PLEKHA5: variants seen among roughly 807,000 people sequenced by gnomAD.
PLEKHA5 encodes pleckstrin homology domain-containing family A member 5.
In PLEKHA5, 55 loss-of-function variants were observed where a neutral mutation model predicts 181.9. The ratio of observed to expected loss-of-function variants is 0.30; its 90% CI spans 0.24 to 0.38. PLEKHA5 has a LOEUF of 0.38. PLEKHA5 is among the 10% of genes least tolerant of loss of function. PLEKHA5 has a pLI of 1.00. For synonymous variants in PLEKHA5, 535 were observed against 529.4 expected (o/e 1.01, Z -0.15); for missense variants, 1,432 against 1,549.5 (o/e 0.92, Z 1.27).
intron 3 of PLEKHA5, among the ~76,000 whole-genome samples, chr12:19,226,844 A>G (rs2059761154): frequency 6.6e-6 from 1 of 152,076 alleles, no homozygotes; most frequent in African/African-American, 2.4e-5. Context: ...TTTGTCTTTT[A>G]TATCTAATAT....
intron 15 of PLEKHA5, among the ~76,000 whole-genome samples, chr12:19,305,554 G>C (rs1354397929): frequency 1.7e-5 from 1 of 59,508 alleles, no homozygotes; most frequent in East Asian, 3.6e-4. Flanking sequence ...GCGAGACTGT[G>C]TCTCAAAAAA....
chr12:19,162,934 ACTAGT>A (rs1373246423), intron 3 of PLEKHA5, among the ~76,000 whole-genome samples: 7 of 152,134 alleles, frequency 4.6e-5, no homozygotes, highest in East Asian at 1.9e-4. Flanking sequence ...AGGACTCTAG[ACTAGT>A]CTAGTGTCTT....
At chr12:19,154,273 A>G (rs2041156849) in intron 3 of PLEKHA5, 1 of 152,150 alleles carries the variant, frequency 6.6e-6, no homozygotes, top group South Asian at 2.1e-4. Flanking sequence ...TTTTTAAAAT[A>G]GTATATAATG....
At chr12:19,341,276 C>CA (rs1200856371) in intron 21 of PLEKHA5, among the ~76,000 whole-genome samples, 1 of 149,388 alleles carries the variant, frequency 6.7e-6, no homozygotes, top group African/African-American at 2.5e-5. Context: ...GACTCAGCCT[C>CA]AAAAAAAATG....
At chr12:19,299,571 A>G (rs1416385136) in intron 15 of PLEKHA5, among the ~76,000 whole-genome samples, 1 of 152,226 alleles carries the variant, frequency 6.6e-6, no homozygotes. Flanking sequence ...AGTCTTGGAT[A>G]TTCCTCATCT....
At chr12:19,166,823 C>A (rs1318083775) in intron 3 of PLEKHA5, among the ~76,000 whole-genome samples, 1 of 152,098 alleles carries the variant, frequency 6.6e-6, no homozygotes, top group East Asian at 1.9e-4. Flanking sequence ...ATCATCTGAC[C>A]TTTGATTTGT....
intron 26 of PLEKHA5, among the ~76,000 whole-genome samples, chr12:19,354,470 TA>T (rs77223013): frequency 3.3e-4 from 44 of 132,892 alleles, no homozygotes; most frequent in Middle Eastern, 4.3e-3. Flanking sequence ...TAGTTATTCT[TA>T]AAAAAAAAAA....
chr12:19,376,370 A>G lies in PLEKHA5; in HGVS notation c.*851A>G, dbSNP rs1054319887. ...ATGTTCATATCTCATTTCTTTTTTT[A>G]TCATGTTAAATAAATGTTGATGTTC... On this transcript the variant is annotated 3_prime_UTR_variant, in exon 32 of 32. Transcript: ENST00000429027. 1 of 152,534 alleles carries G rather than the reference A, an allele frequency of 6.6e-6. No homozygotes were observed. Among genetic ancestry groups the G allele is most frequent in the Admixed American group, 6.5e-5 (1 of 15,268 alleles). The allele number at this position is 152,534 out of a possible 1,614,324, so 9.4% of individuals were successfully genotyped here. A position where few individuals can be genotyped will look rare whatever the true frequency, so the allele number is the denominator to read the frequency against.
At chr12:19,361,531 C>G in intron 28 of PLEKHA5, 51 bp from the exon 29 acceptor site, 1 of 937,708 alleles carries the variant, frequency 1.1e-6, no homozygotes. Context: ...ATATGCTAAT[C>G]TAATGTGATA....
intron 3 of PLEKHA5, among the ~76,000 whole-genome samples, chr12:19,229,514 G>C (rs1267747969): frequency 6.6e-6 from 1 of 151,938 alleles, no homozygotes; most frequent in Non-Finnish European, 1.5e-5. Context: ...TGTTCCTCCT[G>C]TCTAGAGTTG....
chr12:19,130,082 C>A lies in PLEKHA5; in HGVS notation c.121C>A (p.Pro41Thr). 6.3e-7 allele frequency: 1 copy of A among 1,591,262 alleles called. No homozygotes were observed. Among genetic ancestry groups the A allele is most frequent in the South Asian group, 1.1e-5 (1 of 87,352 alleles). Residue 41 changes from proline (P) to threonine (T), a missense_variant, in exon 2 of 32, where the codon CCC becomes ACC. Pro to Thr is a conservative substitution (Grantham distance 38). Transcript: ENST00000429027. This position sits in a 1 kb window ranked among gnomAD's most constrained non-coding sequence, Gnocchi z 4.5. ...GGCCAAGAGCACCACCTGGCTGCAC[C>A]CCGTCACCGGCGAGGCGGTGGTCAC... ...EEAKSTTWLH[P>T]VTGEAVVTGH...
chr12:19,195,672 CAAAAAAAAAAA>C (rs3056386), intron 3 of PLEKHA5, among the ~76,000 whole-genome samples: 1 of 81,606 alleles, frequency 1.2e-5, no homozygotes, highest in Admixed American at 1.4e-4. Flanking sequence ...GACCCTGTCT[CAAAAAAAAAAA>C]AAAAAAAAAA....
rs1157089206 is a variant in PLEKHA5 at position 19,376,226 on chromosome 12, A to T, written c.*707A>T. 2 of 152,516 alleles carry T rather than the reference A, an allele frequency of 1.3e-5. No individual in the cohort carries two copies. The highest frequency in any genetic ancestry group is 2.9e-5 in the Non-Finnish European group (2 of 68,012). 9.4% of individuals were successfully genotyped at this position (152,516 alleles called of 1,614,324 possible). A position where few individuals can be genotyped will look rare whatever the true frequency, so the allele number is the denominator to read the frequency against. ...ATTGGAATACATGTGTACAGCAATAAGCAGGTTTCCAAATCCGGTACTTAG... is the reference window on the plus strand; with the variant it reads ...ATTGGAATACATGTGTACAGCAATATGCAGGTTTCCAAATCCGGTACTTAG... On this transcript the variant is annotated 3_prime_UTR_variant, in exon 32 of 32. Coordinates refer to ENST00000429027, the MANE Select transcript of PLEKHA5 (RefSeq NM_001256470.2).
chr12:19,193,582 G>A (rs2051797254), intron 3 of PLEKHA5, among the ~76,000 whole-genome samples: 1 of 152,152 alleles, frequency 6.6e-6, no homozygotes, highest in African/African-American at 2.4e-5. Flanking sequence ...GGCCTTCAGT[G>A]TGCATCTATC....
chr12:19,168,626 A>G (rs78124006), intron 3 of PLEKHA5, among the ~76,000 whole-genome samples: 2,628 of 152,288 alleles, frequency 0.017, 93 homozygotes, highest in African/African-American at 0.06. Flanking sequence ...CCCCCCTCCC[A>G]TATATACACC....
At chr12:19,308,965 G>A (rs1029951827) in intron 15 of PLEKHA5, among the ~76,000 whole-genome samples, 1 of 150,266 alleles carries the variant, frequency 6.7e-6, no homozygotes, top group Non-Finnish European at 1.5e-5. Context: ...CAGATTCTGA[G>A]GCAGGAGAAT....
Position 19,136,996 on chromosome 12 carries a change from T to C in PLEKHA5, c.227+4546T>C, listed in dbSNP as rs150228011. On this transcript the variant is annotated intron_variant, in intron 3 of 31. Coordinates refer to ENST00000429027, the MANE Select transcript of PLEKHA5 (RefSeq NM_001256470.2). ...ATCTAACAAGTGCCATAAAAAACAT[T>C]AGAATATATTAACTATGTATTTGAT... is the stretch of plus-strand genomic sequence containing the variant. Among the ~76,000 whole-genome samples, 8 of 152,268 alleles carry C rather than the reference T, an allele frequency of 5.3e-5. No individual in the cohort carries two copies. In the East Asian group the frequency reaches 9.6e-4, roughly 18 times the overall value.
At position 19,166,334 on chromosome 12, in the gene PLEKHA5, G is replaced by A. The variant is rs193234207; in HGVS notation, c.227+33884G>A. Among the ~76,000 whole-genome samples, 245 of 152,228 alleles carry A rather than the reference G, an allele frequency of 1.6e-3. 5 individuals carry two copies. The highest frequency in any genetic ancestry group is 0.015 in the Admixed American group (237 of 15,300). On this transcript the variant is annotated intron_variant, in intron 3 of 31. Transcript: ENST00000429027. ...CATACTGTAGTTATTTAAACGTGTCGTGGTTCTAAATGTCTTGCATCTAAT... is the reference window on the plus strand; with the variant it reads ...CATACTGTAGTTATTTAAACGTGTCATGGTTCTAAATGTCTTGCATCTAAT...
At chr12:19,293,310 C>A (rs2078937276) in intron 15 of PLEKHA5, among the ~76,000 whole-genome samples, 1 of 152,106 alleles carries the variant, frequency 6.6e-6, no homozygotes, top group Admixed American at 6.5e-5. Flanking sequence ...AAAAGTAACA[C>A]ACTTTTGTTA....
Sources: gnomAD v4.1 joint callset for allele counts (sites outside exome capture counted in the v4.1 genomes callset) on GRCh38, gnomAD v4.1.1 for gene constraint, Gnocchi (gnomAD v3.1) non-coding constraint, MANE v1.5 for transcripts, NCBI Gene and HGNC (gene_info 2026-07-23, HGNC 2026-07-21) for gene names.